The following CCDC61 variants were observed in gnomAD, a reference collection of about 807,000 sequenced individuals.
CCDC61 encodes the protein centrosomal protein CCDC61.
Under a neutral mutation model 63.0 loss-of-function variants are expected in CCDC61, and 55 were observed. The observed-to-expected ratio is 0.87, with a 90% CI of 0.70 to 1.09. The LOEUF (loss-of-function observed/expected upper bound fraction) is 1.09, where lower values mean the gene tolerates loss of function less well. Among genes scored for constraint, CCDC61 ranks in the 50% least tolerant of loss-of-function variants. The probability of loss-of-function intolerance (pLI) is 0.00; values close to 1 mark genes in which losing one functional copy is unlikely to be tolerated. For missense variants in CCDC61, 651 were observed against 731.4 expected (o/e 0.89, Z 1.27); for synonymous variants, 270 against 317.0 (o/e 0.85, Z 1.58).
intron 4 of CCDC61, 78 bp downstream of exon 4, chr19:46,006,794 T>C: frequency 1.5e-6 from 2 of 1,343,194 alleles, no homozygotes; most frequent in Non-Finnish European, 2.0e-6. Context: ...TAGGAACCCC[T>C]GGCACCCAGG....
At position 46,016,525 on chromosome 19, in the gene CCDC61, T is replaced by C; in HGVS notation, c.1091+132T>C. ...GCTTCTCGCCGGATACCCCGCCTGC[T>C]CTCCCTTCCGTCCGTCCTACCTCCT... On this transcript the variant is annotated intron_variant, in intron 9 of 13. Transcript: ENST00000595358. The surrounding 1 kb of genome is among the most constrained non-coding windows in gnomAD (Gnocchi z 7.2). The C allele has an allele frequency of 7.3e-7, 1 of 1,372,266 alleles. No individual in the cohort carries two copies. Among genetic ancestry groups the C allele is most frequent in the Non-Finnish European group, 1.0e-6 (1 of 993,698 alleles). The allele number at this position is 1,372,266 out of a possible 1,614,324, so 85.0% of individuals were successfully genotyped here.
chr19:46,003,045 G>A lies in CCDC61; in HGVS notation c.27G>A (p.Val9=), dbSNP rs757643212. Residue 9 remains valine, a synonymous_variant, in exon 2 of 14, where the codon GTG becomes GTA. Transcript: ENST00000595358. The part of the protein sequence containing the change: MDQPAGLQ[V]DYVFRGVEHA... ...TGGACCAGCCGGCTGGCCTGCAGGT[G>A]GACTACGTCTTCCGGGGTGTGGAGC... The A allele has an allele frequency of 1.3e-6, 2 of 1,583,234 alleles. No individual in the cohort carries two copies. The highest frequency in any genetic ancestry group is 4.6e-5 in the East Asian group (2 of 43,468).
intron 3 of CCDC61, among the ~76,000 whole-genome samples, chr19:46,006,213 G>A (rs765934408): frequency 6.6e-6 from 1 of 152,170 alleles, no homozygotes; most frequent in Non-Finnish European, 1.5e-5. Flanking sequence ...TGTCAACACA[G>A]TGAAAAAGAC....
intron 1 of CCDC61, among the ~76,000 whole-genome samples, chr19:46,002,352 TAATA>T (rs1244875761): frequency 6.6e-6 from 1 of 152,106 alleles, no homozygotes; most frequent in African/African-American, 2.4e-5. Context: ...GAATGAATAA[TAATA>T]AATATATAAT....
At chr19:46,009,847 T>A (rs1216139763) in intron 5 of CCDC61, among the ~76,000 whole-genome samples, 4 of 135,210 alleles carry the variant, frequency 3.0e-5, no homozygotes, top group African/African-American at 1.1e-4. Context: ...TGCGCGCGCG[T>A]TTGCTCTGTC....
rs749094465 is a variant in CCDC61 at position 45,995,467 on chromosome 19, AG to A, written c.-48del. ...CCTGGGGCGGGGCTGGAGCTTCGTC[AG>A]TTGAACCGCTCGCGAGGAGGGTTGC... On this transcript the variant is annotated 5_prime_UTR_variant, in exon 1 of 14. Transcript: ENST00000595358. 1.9e-6 allele frequency: 1 copy of A among 531,496 alleles called. No homozygotes were observed. Among genetic ancestry groups the A allele is most frequent in the Admixed American group, 2.0e-5 (1 of 51,130 alleles). The allele number at this position is 531,496 out of a possible 1,614,324, so 32.9% of individuals were successfully genotyped here.
At chr19:46,017,906 G>A (rs528733794) in intron 12 of CCDC61, among the ~76,000 whole-genome samples, 172 bp from the exon 13 acceptor site, 8 of 152,236 alleles carry the variant, frequency 5.3e-5, no homozygotes, top group African/African-American at 1.7e-4. Context: ...CACATGTGAG[G>A]TGAGGGCTCT....
chr19:46,012,919 A>G (rs1187223995), intron 5 of CCDC61, among the ~76,000 whole-genome samples: 1 of 150,840 alleles, frequency 6.6e-6, no homozygotes, highest in Non-Finnish European at 1.5e-5. Flanking sequence ...TAGTGCAGTC[A>G]TGGCTCACTG....
Position 46,018,576 on chromosome 19 carries a change from G to C in CCDC61, c.*189G>C. ...CCCAGGCAGTGCATGCTGGGAGGGAGGATGTGTGCATTTTGTAAATAAACA... is the reference window on the plus strand; with the variant it reads ...CCCAGGCAGTGCATGCTGGGAGGGACGATGTGTGCATTTTGTAAATAAACA... On this transcript the variant is annotated 3_prime_UTR_variant, in exon 14 of 14. Transcript: ENST00000595358. This position sits in a 1 kb window ranked among gnomAD's most constrained non-coding sequence, Gnocchi z 4.2. 1.8e-6 allele frequency: 1 copy of C among 568,746 alleles called. No homozygotes were observed. Among genetic ancestry groups the C allele is most frequent in the Non-Finnish European group, 3.2e-6 (1 of 314,936 alleles). 35.2% of individuals were successfully genotyped at this position (568,746 alleles called of 1,614,324 possible).
chr19:46,015,489 A>C lies in CCDC61; in HGVS notation c.845+62A>C. The C allele has an allele frequency of 1.2e-6, 1 of 853,100 alleles. No homozygotes were observed. Among genetic ancestry groups the C allele is most frequent in the African/African-American group, 2.2e-5 (1 of 46,138 alleles). The allele number at this position is 853,100 out of a possible 1,614,324, so 52.8% of individuals were successfully genotyped here. On this transcript the variant is annotated intron_variant, in intron 7 of 13. Coordinates refer to ENST00000595358, the MANE Select transcript of CCDC61 (RefSeq NM_001267723.2). This position sits in a 1 kb window ranked among gnomAD's most constrained non-coding sequence, Gnocchi z 5.3. ...GCGGGCCCTGAGGGTGTGGAGGCTG[A>C]TGAGGCGGAGCCTAAGGGGGCGGGG...
chr19:46,005,637 A>G (rs1968692322), intron 3 of CCDC61, among the ~76,000 whole-genome samples: 2 of 152,072 alleles, frequency 1.3e-5, no homozygotes, highest in South Asian at 2.1e-4. Context: ...AAGTTTTCCA[A>G]AATTCTAATT....
At chr19:46,006,058 A>C (rs1968702694) in intron 3 of CCDC61, among the ~76,000 whole-genome samples, 1 of 152,044 alleles carries the variant, frequency 6.6e-6, no homozygotes, top group Non-Finnish European at 1.5e-5. Flanking sequence ...TTGCTTATTT[A>C]CTTGTTTGTT....
rs1968952097 is a variant in CCDC61, at chr19:46,016,887, G to A, written c.1231+54G>A. On this transcript the variant is annotated intron_variant, in intron 10 of 13. Coordinates refer to ENST00000595358, the MANE Select transcript of CCDC61 (RefSeq NM_001267723.2). This position sits in a 1 kb window ranked among gnomAD's most constrained non-coding sequence, Gnocchi z 7.2. Reference sequence around the variant, plus strand: ...GGCTAGGCGGGACTGGGCGGGGCTGGGCGGGCTGGGAGGCACTGGGCAGGG... The same window carrying A: ...GGCTAGGCGGGACTGGGCGGGGCTGAGCGGGCTGGGAGGCACTGGGCAGGG... The A allele has an allele frequency of 1.3e-6, 2 of 1,506,212 alleles. No individual in the cohort carries two copies. Among genetic ancestry groups the A allele is most frequent in the African/African-American group, 1.4e-5 (1 of 72,296 alleles). The allele number at this position is 1,506,212 out of a possible 1,614,324, so 93.3% of individuals were successfully genotyped here. A position where few individuals can be genotyped will look rare whatever the true frequency, so the allele number is the denominator to read the frequency against.
intron 1 of CCDC61, among the ~76,000 whole-genome samples, chr19:46,002,540 C>T (rs1304294610): frequency 6.6e-6 from 1 of 151,080 alleles, no homozygotes; most frequent in Non-Finnish European, 1.5e-5. Context: ...TCCAGCCTCC[C>T]GAGTAGCTGG....
Position 46,008,254 on chromosome 19 carries a change from G to C in CCDC61, c.504G>C (p.Gln168His). The change falls in exon 5 of 14, where the codon CAG becomes CAC. Residue 168 changes from glutamine (Q) to histidine (H), a missense_variant. Physicochemically the swap from Gln to His is conservative, Grantham distance 24 (BLOSUM62 0). Coordinates refer to ENST00000595358, the MANE Select transcript of CCDC61 (RefSeq NM_001267723.2). ...ELGRLQGLDG[Q>H]NTRDTRENEI... ...GCCGCCTGCAAGGGCTGGATGGCCA[G>C]AACACTCGGGACACCCGGGAGAATG... 7.2e-7 allele frequency: 1 copy of C among 1,385,108 alleles called. No individual in the cohort carries two copies. Among genetic ancestry groups the C allele is most frequent in the Non-Finnish European group, 9.7e-7 (1 of 1,035,668 alleles). The allele number at this position is 1,385,108 out of a possible 1,614,324, so 85.8% of individuals were successfully genotyped here. A position where few individuals can be genotyped will look rare whatever the true frequency, so the allele number is the denominator to read the frequency against.
At chr19:45,997,556 A>G (rs900643777) in intron 1 of CCDC61, among the ~76,000 whole-genome samples, 2 of 151,946 alleles carry the variant, frequency 1.3e-5, no homozygotes, top group Admixed American at 1.3e-4. Context: ...ATGCCCAGCT[A>G]ATTTTTACAT....
intron 3 of CCDC61, among the ~76,000 whole-genome samples, chr19:46,006,295 C>A (rs1398456993): frequency 6.6e-6 from 1 of 152,148 alleles, no homozygotes; most frequent in Non-Finnish European, 1.5e-5. Flanking sequence ...TCTCGTGGAC[C>A]CCCCAGGGAT....
At chr19:46,003,599 T>C in intron 3 of CCDC61, 98 bp downstream of exon 3, 1 of 725,924 alleles carries the variant, frequency 1.4e-6, no homozygotes, top group Non-Finnish European at 2.3e-6. Flanking sequence ...ACCCTCTACC[T>C]TCTCTTTCAT....
intron 5 of CCDC61, among the ~76,000 whole-genome samples, chr19:46,013,296 T>C (rs1600652104): frequency 6.6e-6 from 1 of 152,174 alleles, no homozygotes; most frequent in East Asian, 1.9e-4. Context: ...AGTGCTGGGA[T>C]GACAGGCATG....
Sources: allele counts gnomAD v4.1 joint callset (sites outside exome capture counted in the v4.1 genomes callset), GRCh38; gene constraint gnomAD v4.1.1; non-coding constraint Gnocchi (gnomAD v3.1); transcripts MANE v1.5; gene names NCBI Gene and HGNC (gene_info 2026-07-23, HGNC 2026-07-21).